SPACA6: variants seen among roughly 807,000 people sequenced by gnomAD.
The protein encoded by SPACA6 is sperm acrosome associated 6, also known as sperm acrosome membrane-associated protein 6.
For missense variants in SPACA6, 8 were observed against 2.8 expected (o/e 2.88, Z -1.34); for synonymous variants, 6 against 1.5 (o/e 4.05, Z -2.21).
In SPACA6 at chr19:51,703,244, G is replaced by A. The variant is rs1311688693; in HGVS notation, c.480G>A (p.Val160=). The change falls in exon 6 of 9, where the codon GTG becomes GTA. Residue 160 remains valine, a synonymous_variant. Transcript: ENST00000637797. This position sits in a 1 kb window ranked among gnomAD's most constrained non-coding sequence, Gnocchi z 4.2. ...CGTCTTCAGTTCAGGATGTGACAGT[G>A]ACTCGGGGCGACCAGGCTATGTTTT... ...PLDCPVQDVT[V]TRGDQAMFSC... 1 of 399,332 alleles carries A rather than the reference G, an allele frequency of 2.5e-6. No homozygotes were observed. Among genetic ancestry groups the A allele is most frequent in the Non-Finnish European group, 4.4e-6 (1 of 226,128 alleles). The allele number at this position is 399,332 out of a possible 1,614,324, so 24.7% of individuals were successfully genotyped here. A position where few individuals can be genotyped will look rare whatever the true frequency, so the allele number is the denominator to read the frequency against.
At position 51,693,743 on chromosome 19, in the gene SPACA6, G is replaced by T; in HGVS notation, c.214+3G>T. 2.5e-6 allele frequency: 1 copy of T among 407,572 alleles called. No individual in the cohort carries two copies. The highest frequency in any genetic ancestry group is 1.2e-4 in the South Asian group (1 of 8,484). The allele number at this position is 407,572 out of a possible 1,614,324, so 25.2% of individuals were successfully genotyped here. A position where few individuals can be genotyped will look rare whatever the true frequency, so the allele number is the denominator to read the frequency against. ...GGGCCTCTCTGACACCGAAATCAGT[G>T]AGGAGACCATCCACACTTCATCAGT... On this transcript the variant is annotated splice_donor_region_variant and intron_variant, in intron 1 of 8. Coordinates refer to ENST00000637797, the MANE Select transcript of SPACA6 (RefSeq NM_001316972.2).
downstream of SPACA6, among the ~76,000 whole-genome samples, chr19:51,706,296 T>C (rs1196147748): frequency 6.6e-6 from 1 of 152,186 alleles, no homozygotes; most frequent in Non-Finnish European, 1.5e-5. Flanking sequence ...TTCTCCTTTT[T>C]TTTGTCTAGT....
chr19:51,701,293 C>A (rs899353900), intron 2 of SPACA6, among the ~76,000 whole-genome samples: 3 of 152,078 alleles, frequency 2.0e-5, no homozygotes, highest in Admixed American at 6.6e-5. Context: ...CTAGGCCAAA[C>A]CATGTAAGAC....
chr19:51,693,830 CAGAG>C (rs1250121362), intron 1 of SPACA6, 90 bp downstream of exon 1: 4 of 401,230 alleles, frequency 1.0e-5, no homozygotes, highest in Admixed American at 4.4e-5. Flanking sequence ...GAGGGACAGA[CAGAG>C]AGAAACAGTC....
chr19:51,688,732 A>T (rs530691274), upstream of SPACA6, among the ~76,000 whole-genome samples: 48 of 151,810 alleles, frequency 3.2e-4, 1 homozygote, highest in Non-Finnish European at 3.2e-4. Context: ...GGGAAGAATA[A>T]ATGGGAGACA....
chr19:51,689,433 G>A (rs1359676447), upstream of SPACA6: 1 of 152,384 alleles, frequency 6.6e-6, no homozygotes, highest in Non-Finnish European at 1.5e-5. Flanking sequence ...AGGGAAGGAG[G>A]ATGGCGGGGA....
chr19:51,702,327 CGGT>C (rs2083475084), intron 3 of SPACA6, among the ~76,000 whole-genome samples: 1 of 152,114 alleles, frequency 6.6e-6, no homozygotes, highest in Non-Finnish European at 1.5e-5. Flanking sequence ...CCCGCCTCCT[CGGT>C]GGAATACACC....
Position 51,693,680 on chromosome 19 carries a change from CT to C in SPACA6, c.156del (p.Glu53LysfsTer34). On this transcript the variant is annotated frameshift_variant, in exon 1 of 9. Coordinates refer to ENST00000637797, the MANE Select transcript of SPACA6 (RefSeq NM_001316972.2). LOFTEE classifies it high-confidence loss of function. The stretch of plus-strand genomic sequence containing the variant: ...GTTTGTTGGGATGCGGAGCCCCAAG[CT>C]TGAAGAGTGTGAGGAGGCCTTCACG... ...QMFVGMRSPK[L>X]EECEEAFTAA... 2.4e-6 allele frequency: 1 copy of C among 413,718 alleles called. No individual in the cohort carries two copies. Among genetic ancestry groups the C allele is most frequent in the Non-Finnish European group, 4.3e-6 (1 of 232,754 alleles). The allele number at this position is 413,718 out of a possible 1,614,324, so 25.6% of individuals were successfully genotyped here.
Position 51,701,758 on chromosome 19 carries a change from C to G in SPACA6, c.361+32C>G, listed in dbSNP as rs111977001. On this transcript the variant is annotated intron_variant, in intron 3 of 8. Coordinates refer to ENST00000637797, the MANE Select transcript of SPACA6 (RefSeq NM_001316972.2). ...TACACTCCATCTCTCCTTCCCCAGA[C>G]ACACACACACACAATTAGAAAACCC... 14 of 357,690 alleles carry G rather than the reference C, an allele frequency of 3.9e-5. 1 individual carries two copies. Among genetic ancestry groups the G allele is most frequent in the African/African-American group, 2.7e-4 (13 of 47,558 alleles). The allele number at this position is 357,690 out of a possible 1,614,324, so 22.2% of individuals were successfully genotyped here.
chr19:51,708,029 T>C (rs2083524063), downstream of SPACA6, among the ~76,000 whole-genome samples: 1 of 152,196 alleles, frequency 6.6e-6, no homozygotes, highest in Non-Finnish European at 1.5e-5. Context: ...GGCTGCACCA[T>C]GTAGGCATGA....
chr19:51,705,274 C>T, downstream of SPACA6: 2 of 395,772 alleles, frequency 5.1e-6, no homozygotes, highest in Non-Finnish European at 9.0e-6. Flanking sequence ...ATGAATATGG[C>T]CCGCATAATG....
chr19:51,692,792 C>G (rs530403402), upstream of SPACA6: 7 of 534,514 alleles, frequency 1.3e-5, no homozygotes, highest in African/African-American at 1.2e-4. The surrounding 1 kb of genome is among the most constrained non-coding windows in gnomAD (Gnocchi z 5.6). Flanking sequence ...GCCCCCCGGG[C>G]TGAGGTAGGA....
At chr19:51,711,867 A>G (rs2083542897) in intron 2 of SPACA6, among the ~76,000 whole-genome samples, 1 of 152,210 alleles carries the variant, frequency 6.6e-6, no homozygotes. Flanking sequence ...GCAGCTGCCC[A>G]GGTCTTAGGG....
intron 2 of SPACA6, among the ~76,000 whole-genome samples, chr19:51,695,467 C>G (rs995109380): frequency 6.6e-6 from 1 of 152,208 alleles, no homozygotes; most frequent in African/African-American, 2.4e-5. Flanking sequence ...ACAGTCGCTC[C>G]TTTTGCTTCC....
intron 8 of SPACA6, 183 bp downstream of exon 8, chr19:51,704,663 C>T: frequency 2.5e-6 from 1 of 399,522 alleles, no homozygotes; most frequent in Admixed American, 4.4e-5. Flanking sequence ...GTCCCCAGCC[C>T]CCTCCTCCCT....
downstream of SPACA6, among the ~76,000 whole-genome samples, chr19:51,705,602 C>G (rs369628229): frequency 6.6e-6 from 1 of 152,090 alleles, no homozygotes; most frequent in Non-Finnish European, 1.5e-5. Flanking sequence ...CAGTCACCCC[C>G]ACCTCATGTC....
upstream of SPACA6, among the ~76,000 whole-genome samples, chr19:51,689,980 C>T (rs2083355697): frequency 1.4e-5 from 1 of 69,918 alleles, no homozygotes; most frequent in Non-Finnish European, 2.8e-5. Context: ...GATGGGGCTG[C>T]GGGGCTTTGA....
At chr19:51,699,432 G>A (rs561065742) in intron 2 of SPACA6, among the ~76,000 whole-genome samples, 42 of 152,290 alleles carry the variant, frequency 2.8e-4, no homozygotes, top group African/African-American at 9.9e-4. Flanking sequence ...TGTGGATATA[G>A]GTTATAGATA....
upstream of SPACA6, chr19:51,687,306 A>ATACATACATACATAC (rs1568611549): frequency 7.9e-6 from 1 of 125,872 alleles, no homozygotes; most frequent in Non-Finnish European, 1.8e-5. Context: ...TACATACATA[A>ATACATACATACATAC]GCAAATCTGT....
Sources: allele counts gnomAD v4.1 joint callset (sites outside exome capture counted in the v4.1 genomes callset), GRCh38; gene constraint gnomAD v4.1.1; non-coding constraint Gnocchi (gnomAD v3.1); transcripts MANE v1.5; gene names NCBI Gene and HGNC (gene_info 2026-07-23, HGNC 2026-07-21).